Variants in GRID1 observed in about 807,000 individuals in gnomAD.
GRID1 encodes glutamate receptor ionotropic, delta-1.
GRID1 carries 28 observed loss-of-function variants against 98.0 expected under a neutral mutation model. The ratio of observed to expected loss-of-function variants is 0.29; its 90% CI spans 0.21 to 0.39. The LOEUF is 0.39. GRID1 is among the 10% of genes least tolerant of loss of function. The probability of loss-of-function intolerance (pLI) is 1.00; values close to 1 mark genes in which losing one functional copy is unlikely to be tolerated. For missense variants in GRID1, 1,111 were observed against 1,340.5 expected, an observed-to-expected ratio of 0.83 and a Z score of 2.67; for synonymous variants, 553 against 538.5, an observed-to-expected ratio of 1.03 and a Z score of -0.37.
chr10:86,069,637 G>A (rs1411733934), intron 4 of GRID1, among the ~76,000 whole-genome samples: 1 of 152,156 alleles, frequency 6.6e-6, no homozygotes, highest in Non-Finnish European at 1.5e-5. Flanking sequence ...GACAGAGTGA[G>A]ACTCCGTCTC....
rs776108103 is a variant in GRID1, at chr10:85,602,577, G to T, written c.2726C>A (p.Ala909Asp). The T allele has an allele frequency of 3.7e-6, 6 of 1,614,110 alleles. No individual in the cohort carries two copies. The highest frequency in any genetic ancestry group is 5.1e-6 in the Non-Finnish European group (6 of 1,180,000). ...ELSALEMGGL[A>D]PTQTLEPTRE... is the part of the protein sequence containing the mutation. Reference sequence around the variant, plus strand: ...TGTCGGCTCCAAGGTCTGGGTGGGAGCCAGGCCCCCCATCTCCAGGGCCGA... The same window carrying T: ...TGTCGGCTCCAAGGTCTGGGTGGGATCCAGGCCCCCCATCTCCAGGGCCGA... The change falls in exon 16 of 16, where the codon GCT (alanine) becomes GAT (aspartate). Residue 909 changes from alanine to aspartate, a missense_variant. Coordinates refer to ENST00000327946, the MANE Select transcript of GRID1 (RefSeq NM_017551.3).
chr10:86,360,691 C>A (rs1477881179), intron 2 of GRID1, among the ~76,000 whole-genome samples: 1 of 152,160 alleles, frequency 6.6e-6, no homozygotes, highest in Non-Finnish European at 1.5e-5. Context: ...CCACCGCAGG[C>A]CTTATGTAGA....
At chr10:86,068,047 G>T (rs1461672321) in intron 4 of GRID1, among the ~76,000 whole-genome samples, 1 of 152,196 alleles carries the variant, frequency 6.6e-6, no homozygotes, top group Non-Finnish European at 1.5e-5. Flanking sequence ...ACACTGTTTT[G>T]TGCCTGGCTC....
At chr10:86,125,252 C>T (rs148518326) in intron 4 of GRID1, among the ~76,000 whole-genome samples, 22 of 152,362 alleles carry the variant, frequency 1.4e-4, no homozygotes, top group African/African-American at 4.6e-4. Context: ...CTCATGCTAA[C>T]GGTCAGGCAG....
At chr10:85,699,314 A>G (rs1841427260) in intron 12 of GRID1, among the ~76,000 whole-genome samples, 2 of 152,208 alleles carry the variant, frequency 1.3e-5, no homozygotes, top group East Asian at 1.9e-4. Context: ...TCGGCCTCCT[A>G]AAGTGTTGGG....
chr10:86,214,237 G>A (rs1364492231), intron 2 of GRID1, among the ~76,000 whole-genome samples: 5 of 152,170 alleles, frequency 3.3e-5, no homozygotes, highest in South Asian at 4.1e-4. Flanking sequence ...TATGCCCTGC[G>A]TTCCAGGTAG....
At chr10:86,207,628 C>CTT (rs71016123) in intron 2 of GRID1, among the ~76,000 whole-genome samples, 38,529 of 105,958 alleles carry the variant, frequency 0.36, 8,685 homozygotes, top group Non-Finnish European at 0.47. Context: ...GATGCAGTTT[C>CTT]TTTTTTTTTT....
intron 8 of GRID1, among the ~76,000 whole-genome samples, chr10:85,824,390 C>T (rs2352427): frequency 0.27 from 41,272 of 151,836 alleles, 5,806 homozygotes; most frequent in African/African-American, 0.33. Flanking sequence ...TTTTGTATTT[C>T]TAGTAGAGAT....
At chr10:85,743,021 C>T (rs1284474886) in intron 8 of GRID1, among the ~76,000 whole-genome samples, 1 of 151,400 alleles carries the variant, frequency 6.6e-6, no homozygotes, top group Non-Finnish European at 1.5e-5. Context: ...GTGCCTCTCC[C>T]CCGACTCCCC....
intron 15 of GRID1, among the ~76,000 whole-genome samples, chr10:85,604,904 T>C (rs1590154887): frequency 6.6e-6 from 1 of 152,358 alleles, no homozygotes; most frequent in Admixed American, 6.5e-5. Context: ...AGGGAGTTAC[T>C]ATCCCCACCG....
At chr10:85,987,995 A>G (rs1040121510) in intron 4 of GRID1, among the ~76,000 whole-genome samples, 5 of 152,148 alleles carry the variant, frequency 3.3e-5, no homozygotes, top group African/African-American at 1.2e-4. Context: ...CCCTGTACCT[A>G]ACACAGAGAC....
chr10:86,136,449 G>C (rs4934155), intron 4 of GRID1, among the ~76,000 whole-genome samples: 16,893 of 152,238 alleles, frequency 0.11, 1,200 homozygotes, highest in African/African-American at 0.18. Context: ...ACAGATGGAA[G>C]AGAGGGGCTC....
chr10:85,961,121 G>C (rs1214395848), intron 4 of GRID1, among the ~76,000 whole-genome samples: 1 of 152,102 alleles, frequency 6.6e-6, no homozygotes, highest in Non-Finnish European at 1.5e-5. Context: ...TTTCTACTCT[G>C]AACAGAACAG....
chr10:85,865,934 T>TATATATAC (rs1843213339), intron 6 of GRID1, among the ~76,000 whole-genome samples: 2 of 111,544 alleles, frequency 1.8e-5, no homozygotes, highest in Non-Finnish European at 3.4e-5. Context: ...TATATATATA[T>TATATATAC]ATATATATAC....
intron 4 of GRID1, among the ~76,000 whole-genome samples, chr10:86,072,846 C>T (rs145156090): frequency 8.0e-4 from 122 of 152,312 alleles, no homozygotes; most frequent in Non-Finnish European, 1.4e-3. Flanking sequence ...CTAGGAAAGG[C>T]GCAGGTGCCT....
intron 4 of GRID1, among the ~76,000 whole-genome samples, chr10:86,038,675 T>G (rs1364576696): frequency 1.3e-5 from 2 of 152,228 alleles, no homozygotes; most frequent in African/African-American, 4.8e-5. Context: ...TGAAATTCCT[T>G]TGTCTTTTCT....
intron 2 of GRID1, among the ~76,000 whole-genome samples, chr10:86,244,072 C>G (rs1163703462): frequency 2.0e-5 from 3 of 152,218 alleles, no homozygotes; most frequent in African/African-American, 7.2e-5. Flanking sequence ...GCAAACACAG[C>G]TCCTCTCCTT....
At chr10:85,873,995 A>T (rs986874571) in intron 5 of GRID1, among the ~76,000 whole-genome samples, 1 of 152,202 alleles carries the variant, frequency 6.6e-6, no homozygotes, top group Non-Finnish European at 1.5e-5. Flanking sequence ...GCACAATCAC[A>T]TTGTATGACT....
intron 8 of GRID1, among the ~76,000 whole-genome samples, chr10:85,814,643 A>G (rs1842700774): frequency 6.6e-6 from 1 of 151,882 alleles, no homozygotes; most frequent in South Asian, 2.1e-4. Flanking sequence ...TTAACGGAAT[A>G]CCATTAATAA....
Sources: allele counts gnomAD v4.1 joint callset (sites outside exome capture counted in the v4.1 genomes callset), GRCh38; gene constraint gnomAD v4.1.1; transcripts MANE v1.5; gene names NCBI Gene and HGNC (gene_info 2026-07-23, HGNC 2026-07-21).